PHLDB2: variants seen among roughly 807,000 people sequenced by gnomAD.
PHLDB2 encodes pleckstrin homology like domain family B member 2, also known as pleckstrin homology-like domain family B member 2.
A neutral mutation model predicts 123.6 loss-of-function variants in PHLDB2; 71 were observed. The ratio of observed to expected loss-of-function variants is 0.57; its 90% CI spans 0.47 to 0.70. The LOEUF is 0.70. Ranked by LOEUF, PHLDB2 falls within the 30% of genes least tolerant of loss-of-function variation. PHLDB2 has a pLI of 0.00. For missense variants in PHLDB2, 1,446 were observed against 1,519.5 expected (o/e 0.95, Z 0.80); for synonymous variants, 547 against 541.6 (o/e 1.01, Z -0.14).
At chr3:111,738,170 G>A (rs1277481990) in intron 1 of PHLDB2, among the ~76,000 whole-genome samples, 7 of 152,138 alleles carry the variant, frequency 4.6e-5, no homozygotes, top group Non-Finnish European at 8.8e-5. Context: ...TTCCCAGAAC[G>A]TGACTGTTCT....
chr3:111,770,367 C>A (rs767402537), intron 1 of PHLDB2, among the ~76,000 whole-genome samples: 6 of 152,126 alleles, frequency 3.9e-5, no homozygotes, highest in Non-Finnish European at 7.3e-5. Flanking sequence ...TCCTTAGAGA[C>A]TACCAATTAG....
intron 1 of PHLDB2, among the ~76,000 whole-genome samples, chr3:111,771,644 C>T (rs1359777921): frequency 6.6e-6 from 1 of 152,144 alleles, no homozygotes; most frequent in East Asian, 1.9e-4. Context: ...CTGGCCACTG[C>T]CTTCATCTTT....
chr3:111,858,401 C>T (rs537970375), upstream of PHLDB2, among the ~76,000 whole-genome samples: 1 of 152,280 alleles, frequency 6.6e-6, no homozygotes, highest in East Asian at 1.9e-4. Context: ...TGCAAACCAC[C>T]ATGGCACATG....
At chr3:111,853,315 T>C (rs1233124122) in intron 2 of PHLDB2, among the ~76,000 whole-genome samples, 1 of 152,130 alleles carries the variant, frequency 6.6e-6, no homozygotes, top group Non-Finnish European at 1.5e-5. Flanking sequence ...CAGTTGCAGA[T>C]CCAATGTGAA....
chr3:111,879,757 A>C (rs931385193), intron 1 of PHLDB2, among the ~76,000 whole-genome samples: 1 of 152,192 alleles, frequency 6.6e-6, no homozygotes, highest in Non-Finnish European at 1.5e-5. Flanking sequence ...AGAAGGGTCC[A>C]CGTTGTAAAA....
intron 2 of PHLDB2, among the ~76,000 whole-genome samples, chr3:111,850,563 C>T (rs1282974): frequency 0.94 from 143,196 of 152,168 alleles, 67,959 homozygotes; most frequent in East Asian, 1. Flanking sequence ...CCCAGGAGCT[C>T]AAGACCAGCC....
chr3:111,959,218 A>G (rs929037937), intron 12 of PHLDB2, among the ~76,000 whole-genome samples: 1 of 152,228 alleles, frequency 6.6e-6, no homozygotes, highest in Non-Finnish European at 1.5e-5. Context: ...TTGGAATCAC[A>G]CTGGTTCAAT....
At chr3:111,886,836 A>C (rs1001404268) in intron 2 of PHLDB2, among the ~76,000 whole-genome samples, 1 of 152,168 alleles carries the variant, frequency 6.6e-6, no homozygotes, top group Non-Finnish European at 1.5e-5. Context: ...ACAAAATGGC[A>C]TTGTGTTTGG....
rs1553726675 is a variant in PHLDB2 at position 111,780,271 on chromosome 3, A to AAAGAAGAAGAAGAAGAAGAAGAAGAAG, written c.-49+47593_-49+47594insAGAAGAAGAAGAAGAAGAAGAAGAAGA. ...CTCCTGATTTAAAAGAAGAAGAAGA[A>AAAGAAGAAGAAGAAGAAGAAGAAGAAG]AAGAAGAAGAAGAAGAAGAAGAAGA... On this transcript the variant is annotated intron_variant, in intron 1 of 17. Coordinates refer to the PHLDB2 transcript ENST00000393923. Among the ~76,000 whole-genome samples, 2 of 7,772 alleles carry AAAGAAGAAGAAGAAGAAGAAGAAGAAG rather than the reference A, an allele frequency of 2.6e-4. 1 individual carries two copies. The highest frequency in any genetic ancestry group is 8.2e-4 in the African/African-American group (2 of 2,440). The allele number at this position is 7,772 out of a possible 152,430, so 5.1% of individuals were successfully genotyped here.
At chr3:111,910,820 T>C (rs2067843229) in intron 2 of PHLDB2, among the ~76,000 whole-genome samples, 1 of 152,246 alleles carries the variant, frequency 6.6e-6, no homozygotes, top group East Asian at 1.9e-4. Flanking sequence ...CTGATGCACC[T>C]TGGACATCAG....
At chr3:111,909,967 T>C (rs2067789216) in intron 2 of PHLDB2, among the ~76,000 whole-genome samples, 1 of 152,110 alleles carries the variant, frequency 6.6e-6, no homozygotes, top group Non-Finnish European at 1.5e-5. Flanking sequence ...TGTACCGTCC[T>C]GTGACCTACA....
intron 1 of PHLDB2, among the ~76,000 whole-genome samples, chr3:111,865,385 C>T (rs912424674): frequency 2.0e-5 from 3 of 152,158 alleles, no homozygotes; most frequent in African/African-American, 7.2e-5. Flanking sequence ...GGCAACAGTC[C>T]GGTGAAATCT....
chr3:111,950,015 T>A, intron 10 of PHLDB2: 1 of 600,210 alleles, frequency 1.7e-6, no homozygotes, highest in South Asian at 7.4e-5. Flanking sequence ...CTTCTCTGAT[T>A]TTTTTTTTCC....
At chr3:111,907,440 G>A (rs2067610392) in intron 2 of PHLDB2, among the ~76,000 whole-genome samples, 1 of 152,164 alleles carries the variant, frequency 6.6e-6, no homozygotes, top group East Asian at 1.9e-4. Flanking sequence ...GTGATAGTGT[G>A]CACATGACAG....
intron 1 of PHLDB2, among the ~76,000 whole-genome samples, chr3:111,844,826 A>C (rs558016869): frequency 5.9e-5 from 9 of 152,176 alleles, no homozygotes; most frequent in Non-Finnish European, 1.2e-4. Flanking sequence ...TAAAGAAAAA[A>C]ATGACAGCAC....
chr3:111,918,665 C>A (rs1334247339), intron 3 of PHLDB2, among the ~76,000 whole-genome samples: 1 of 152,208 alleles, frequency 6.6e-6, no homozygotes, highest in Non-Finnish European at 1.5e-5. Flanking sequence ...TTGTAATAAC[C>A]ATAGCATCAT....
At chr3:111,859,614 G>A in intron 1 of PHLDB2, 38 bp downstream of exon 1, 2 of 985,356 alleles carry the variant, frequency 2.0e-6, no homozygotes, top group Non-Finnish European at 2.4e-6. Context: ...AGGAGGGGGT[G>A]GTGCCGACTC....
At chr3:111,951,373 T>C (rs1361587002) in intron 10 of PHLDB2, among the ~76,000 whole-genome samples, 8 of 152,200 alleles carry the variant, frequency 5.3e-5, no homozygotes, top group Non-Finnish European at 1.2e-4. Flanking sequence ...ATATAAACCA[T>C]CATACCTGGC....
At chr3:111,775,828 CTAAAT>C (rs150188802) in intron 1 of PHLDB2, among the ~76,000 whole-genome samples, 2,374 of 152,214 alleles carry the variant, frequency 0.016, 64 homozygotes, top group African/African-American at 0.054. Flanking sequence ...TATCTTACTG[CTAAAT>C]TAGTGAGAGC....
Sources: allele counts gnomAD v4.1 joint callset (sites outside exome capture counted in the v4.1 genomes callset), GRCh38; gene constraint gnomAD v4.1.1; transcripts MANE v1.5; gene names NCBI Gene and HGNC (gene_info 2026-07-23, HGNC 2026-07-21).